MAGI1: variants seen among roughly 807,000 people sequenced by gnomAD.
MAGI1 encodes the protein membrane-associated guanylate kinase, WW and PDZ domain-containing protein 1.
Under a neutral mutation model 139.9 loss-of-function variants are expected in MAGI1, and 58 were observed. That is an observed-to-expected ratio of 0.41 (90% confidence interval 0.34 to 0.52). MAGI1 has a LOEUF of 0.52. Among genes scored for constraint, MAGI1 ranks in the 20% least tolerant of loss-of-function variants. The pLI is 0.12. For missense variants in MAGI1, 1,874 were observed against 1,901.6 expected (o/e 0.99, Z 0.27); for synonymous variants, 812 against 737.9 (o/e 1.10, Z -1.63).
intron 5 of MAGI1, among the ~76,000 whole-genome samples, chr3:65,462,318 G>C (rs1374805781): frequency 6.6e-6 from 1 of 152,202 alleles, no homozygotes; most frequent in East Asian, 1.9e-4. Flanking sequence ...AAGAGATCCA[G>C]TTTCAGTTTT....
chr3:65,788,968 A>G (rs2039574791), intron 1 of MAGI1, among the ~76,000 whole-genome samples: 1 of 152,148 alleles, frequency 6.6e-6, no homozygotes, highest in African/African-American at 2.4e-5. Flanking sequence ...CGTTGCGGCC[A>G]GGAGTTCAAG....
At chr3:65,422,065 G>A (rs1227990667) in intron 12 of MAGI1, among the ~76,000 whole-genome samples, 2 of 152,184 alleles carry the variant, frequency 1.3e-5, no homozygotes, top group African/African-American at 4.8e-5. Context: ...ACTTCTGAGG[G>A]TGCAATAATT....
intron 12 of MAGI1, 73 bp from the exon 13 acceptor site, chr3:65,401,543 A>T: frequency 6.4e-7 from 1 of 1,574,148 alleles, no homozygotes; most frequent in Non-Finnish European, 8.6e-7. Context: ...TTCCTTAAAG[A>T]ACAATCCCCA....
At chr3:65,895,407 G>A (rs185777102) in intron 1 of MAGI1, among the ~76,000 whole-genome samples, 1 of 152,316 alleles carries the variant, frequency 6.6e-6, no homozygotes, top group African/African-American at 2.4e-5. Context: ...CTGAGTTTGT[G>A]TGACACCTTC....
intron 1 of MAGI1, among the ~76,000 whole-genome samples, chr3:65,671,070 C>T (rs757969259): frequency 5.3e-5 from 8 of 152,154 alleles, no homozygotes; most frequent in South Asian, 2.1e-4. Context: ...CCATGCAATT[C>T]TTCTAAGCAC....
chr3:66,006,993 G>A (rs981953286), intron 1 of MAGI1, among the ~76,000 whole-genome samples: 1 of 146,136 alleles, frequency 6.8e-6, no homozygotes, highest in African/African-American at 2.7e-5. Context: ...ACCATGCCCA[G>A]CTATTTATTT....
chr3:65,670,064 C>G (rs1156273678), intron 1 of MAGI1, among the ~76,000 whole-genome samples: 1 of 152,176 alleles, frequency 6.6e-6, no homozygotes, highest in African/African-American at 2.4e-5. Context: ...GATTTCACCA[C>G]AAATTTGATA....
chr3:65,522,030 C>G (rs1375998748), intron 2 of MAGI1, among the ~76,000 whole-genome samples: 3 of 152,156 alleles, frequency 2.0e-5, no homozygotes, highest in Middle Eastern at 3.4e-3. Flanking sequence ...AATACTATCA[C>G]AGAGGAAAAA....
chr3:65,365,820 T>C (rs1575606186), intron 18 of MAGI1, among the ~76,000 whole-genome samples: 1 of 152,200 alleles, frequency 6.6e-6, no homozygotes, highest in East Asian at 1.9e-4. Flanking sequence ...TACATGTATC[T>C]TCCCATCACA....
intron 1 of MAGI1, among the ~76,000 whole-genome samples, chr3:65,668,743 G>A (rs773597609): frequency 5.9e-4 from 89 of 151,002 alleles, no homozygotes; most frequent in Non-Finnish European, 1.1e-3. Context: ...TAGTAGAGAC[G>A]GGGTTTCACC....
intron 1 of MAGI1, among the ~76,000 whole-genome samples, chr3:65,802,216 A>C (rs1200049177): frequency 6.6e-6 from 1 of 152,166 alleles, no homozygotes; most frequent in African/African-American, 2.4e-5. Context: ...CATTATTCTT[A>C]GCATTTGAGG....
At chr3:65,475,522 T>G (rs962147803) in intron 4 of MAGI1, among the ~76,000 whole-genome samples, 1 of 152,204 alleles carries the variant, frequency 6.6e-6, no homozygotes, top group South Asian at 2.1e-4. Flanking sequence ...ACTTTCTAAG[T>G]TGTCTCTAAT....
In MAGI1 at chr3:65,375,963, T is replaced by A. The variant is rs755826512; in HGVS notation, c.2996-18A>T. ...TGCATTGCCTGCTTTGATATTGAGT[T>A]TTAATTTTTTTAAAGTTACGTGGGA... On this transcript the variant is annotated intron_variant, in intron 17 of 22. Coordinates refer to ENST00000402939, the MANE Select transcript of MAGI1 (RefSeq NM_001033057.2). 2 of 1,596,060 alleles carry A rather than the reference T, an allele frequency of 1.3e-6. No individual in the cohort carries two copies. Among genetic ancestry groups the A allele is most frequent in the East Asian group, 4.5e-5 (2 of 44,666 alleles).
At chr3:65,659,635 T>C (rs1436842910) in intron 1 of MAGI1, among the ~76,000 whole-genome samples, 1 of 152,178 alleles carries the variant, frequency 6.6e-6, no homozygotes, top group Non-Finnish European at 1.5e-5. Context: ...ACGGCATGAC[T>C]TTCTCCTGAG....
At chr3:65,816,707 A>G (rs1001054339) in intron 1 of MAGI1, among the ~76,000 whole-genome samples, 4 of 152,148 alleles carry the variant, frequency 2.6e-5, no homozygotes, top group African/African-American at 9.7e-5. Flanking sequence ...CTCTTTAAGG[A>G]CATAATTCTT....
intron 1 of MAGI1, among the ~76,000 whole-genome samples, chr3:66,002,429 G>T (rs1490191066): frequency 6.6e-6 from 1 of 152,100 alleles, no homozygotes; most frequent in Non-Finnish European, 1.5e-5. Flanking sequence ...ATTTCATGGG[G>T]TGGGGGGTGG....
chr3:65,570,049 AG>A (rs1394108442), intron 2 of MAGI1, among the ~76,000 whole-genome samples: 2 of 147,504 alleles, frequency 1.4e-5, no homozygotes, highest in African/African-American at 2.5e-5. Flanking sequence ...CCATTCCTAC[AG>A]TGCTTCTTTC....
chr3:65,938,329 TATAA>T (rs1210063807), intron 1 of MAGI1, among the ~76,000 whole-genome samples: 54 of 148,192 alleles, frequency 3.6e-4, no homozygotes, highest in African/African-American at 1.2e-3. Context: ...AATAAATTAA[TATAA>T]ATATATTAAA....
intron 3 of MAGI1, among the ~76,000 whole-genome samples, chr3:65,485,870 G>A (rs1442499843): frequency 6.6e-6 from 1 of 152,122 alleles, no homozygotes; most frequent in Non-Finnish European, 1.5e-5. Context: ...TTAACTCCAG[G>A]AATATTTGGG....
Sources: allele counts gnomAD v4.1 joint callset (sites outside exome capture counted in the v4.1 genomes callset), GRCh38; gene constraint gnomAD v4.1.1; transcripts MANE v1.5; gene names NCBI Gene and HGNC (gene_info 2026-07-23, HGNC 2026-07-21).